The following FMNL1 variants were observed in gnomAD, a reference collection of about 807,000 sequenced individuals.
FMNL1 encodes the protein formin like 1.
FMNL1 carries 43 observed loss-of-function variants against 121.3 expected under a neutral mutation model. That is an observed-to-expected ratio of 0.35 (90% CI 0.28 to 0.46). FMNL1 has a LOEUF of 0.46. Ranked by LOEUF, FMNL1 falls within the 20% of genes least tolerant of loss-of-function variation. FMNL1 has a pLI of 1.00. For synonymous variants in FMNL1, 613 were observed against 613.5 expected (o/e 1.00, Z 0.01); for missense variants, 1,191 against 1,482.4 (o/e 0.80, Z 3.23).
intron 6 of FMNL1, 85 bp downstream of exon 6, chr17:45,234,285 T>G: frequency 6.2e-7 from 1 of 1,605,960 alleles, no homozygotes. Context: ...CCCCGGGCCC[T>G]TGGGGTTGGC....
rs1555628703 is a variant in FMNL1, at chr17:45,231,246, CGG to C, written c.213+560_213+561del. On this transcript the variant is annotated intron_variant, in intron 2 of 26. Transcript: ENST00000331495. This position sits in a 1 kb window ranked among gnomAD's most constrained non-coding sequence, Gnocchi z 4.7. The stretch of plus-strand genomic sequence containing the variant: ...CCCCTCCAGCTTCAAGGGCTGCGGT[CGG>C]CCATGGGCCGACCCTCTCCCAGCGC... 2.6e-5 allele frequency among the ~76,000 whole-genome samples: 4 copies of C among 151,422 alleles called. No homozygotes were observed. The highest frequency in any genetic ancestry group is 5.9e-5 in the Non-Finnish European group (4 of 68,014).
chr17:45,232,979 A>G, intron 3 of FMNL1: 1 of 623,080 alleles, frequency 1.6e-6, no homozygotes, highest in Non-Finnish European at 3.0e-6. Context: ...GTGCATGTGT[A>G]TACCTTGTGT....
At chr17:45,236,769 T>C (rs1395612659) in intron 7 of FMNL1, among the ~76,000 whole-genome samples, 1 of 152,064 alleles carries the variant, frequency 6.6e-6, no homozygotes, top group South Asian at 2.1e-4. Context: ...GAGATCAGCC[T>C]GGGCAACATA....
chr17:45,227,182 G>A (rs976086287), intron 1 of FMNL1, among the ~76,000 whole-genome samples: 7 of 152,128 alleles, frequency 4.6e-5, no homozygotes, highest in African/African-American at 1.7e-4. Flanking sequence ...GTACCCTGGG[G>A]CTTGAAGGGC....
rs749054379 is a variant in FMNL1, at chr17:45,233,688, G to T, written c.442G>T (p.Asp148Tyr). ...CCTCAATGAAGAGAACCGTGGCCTG[G>T]ATGTGCTGCTCGAGTACCTGGCCTT... The part of the protein sequence containing the change: ...EFLNEENRGL[D>Y]VLLEYLAFAQ... The change falls in exon 5 of 27, where the codon GAT (aspartate) becomes TAT (tyrosine). Residue 148 changes from aspartate (D) to tyrosine (Y), a missense_variant. Physicochemically the swap from Asp to Tyr is radical, Grantham distance 160. This residue lies in a region of FMNL1 where 253 missense variants were observed against 417.5 expected (regional missense o/e 0.61). Transcript: ENST00000331495. This position sits in a 1 kb window ranked among gnomAD's most constrained non-coding sequence, Gnocchi z 4.1. 2 of 1,614,072 alleles carry T rather than the reference G, an allele frequency of 1.2e-6. No individual in the cohort carries two copies. The highest frequency in any genetic ancestry group is 1.7e-5 in the Admixed American group (1 of 60,012).
chr17:45,236,261 G>C lies in FMNL1; in HGVS notation c.723+17G>C. ...AACTACCAGGTCAGCCGAGGGGCAT[G>C]GGACTGGCGACTAGGGAGCCCAGCC... On this transcript the variant is annotated intron_variant, in intron 7 of 26. Coordinates refer to ENST00000331495, the MANE Select transcript of FMNL1 (RefSeq NM_005892.4). 6 of 1,608,088 alleles carry C rather than the reference G, an allele frequency of 3.7e-6. No homozygotes were observed. Among genetic ancestry groups the C allele is most frequent in the Non-Finnish European group, 5.1e-6 (6 of 1,175,702 alleles).
Position 45,236,773 on chromosome 17 carries a change from C to G in FMNL1, c.724-508C>G, listed in dbSNP as rs924326550. Among the ~76,000 whole-genome samples, 7 of 152,132 alleles carry G rather than the reference C, an allele frequency of 4.6e-5. No individual in the cohort carries two copies. In the South Asian group the frequency reaches 1.5e-3, roughly 32 times the overall value. ...ACCCAGAATTTGAGATCAGCCTGGG[C>G]AACATACTGAAACCCCATCTCTATG... On this transcript the variant is annotated intron_variant, in intron 7 of 26. Coordinates refer to ENST00000331495, the MANE Select transcript of FMNL1 (RefSeq NM_005892.4).
intron 11 of FMNL1, chr17:45,239,376 C>T: frequency 3.2e-6 from 1 of 308,964 alleles, no homozygotes; most frequent in Non-Finnish European, 6.1e-6. Flanking sequence ...CAGAGTCTGG[C>T]TCTGGGAGCA....
chr17:45,242,083 C>A lies in FMNL1; in HGVS notation c.1822C>A (p.Pro608Thr). 6.6e-7 allele frequency: 1 copy of A among 1,524,342 alleles called. No homozygotes were observed. Among genetic ancestry groups the A allele is most frequent in the South Asian group, 1.2e-5 (1 of 83,156 alleles). 94.4% of individuals were successfully genotyped at this position (1,524,342 alleles called of 1,614,324 possible). ...DGPVPPPPPP[P>T]PPPPGGPPDA... ...GCCGGTGCCTCCGCCGCCGCCGCCG[C>A]CGCCGCCGCCTCCCGGAGGTCCTCC... Residue 608 changes from proline to threonine, a missense_variant, in exon 15 of 27, where the codon CCG becomes ACG. Pro to Thr is a conservative substitution (Grantham distance 38). This residue lies in a region of FMNL1 where 519 missense variants were observed against 492.8 expected (regional missense o/e 1.05). Transcript: ENST00000331495.
At position 45,231,030 on chromosome 17, in the gene FMNL1, C is replaced by T. The variant is rs1275614326; in HGVS notation, c.213+343C>T. Among the ~76,000 whole-genome samples the T allele has an allele frequency of 1.3e-5, 2 of 152,070 alleles. No individual in the cohort carries two copies. The highest frequency in any genetic ancestry group is 2.4e-5 in the African/African-American group (1 of 41,412). On this transcript the variant is annotated intron_variant, in intron 2 of 26. Coordinates refer to ENST00000331495, the MANE Select transcript of FMNL1 (RefSeq NM_005892.4). This position sits in a 1 kb window ranked among gnomAD's most constrained non-coding sequence, Gnocchi z 4.7. ...TCTCTGGACTGGGGAAGGGAGAGGG[C>T]GACCCTGGGGTTGGACATCTTCACC...
Position 45,245,958 on chromosome 17 carries a change from G to T in FMNL1, c.3075G>T (p.Glu1025Asp). 1.3e-6 allele frequency: 2 copies of T among 1,571,864 alleles called. No individual in the cohort carries two copies. Among genetic ancestry groups the T allele is most frequent in the Non-Finnish European group, 1.7e-6 (2 of 1,164,176 alleles). Residue 1025 changes from glutamate to aspartate, a missense_variant, in exon 24 of 27, where the codon GAG becomes GAT. Glu to Asp is a conservative substitution (Grantham distance 45). This residue lies in a region of FMNL1 where 367 missense variants were observed against 528.6 expected (regional missense o/e 0.69). Transcript: ENST00000331495. ...GCGCTGATACCCCGGGCAAAGGGGA[G>T]CCCCCAGCACCCAAGGTAGGCAACT... ...EAGADTPGKG[E>D]PPAPKSPPKA...
intron 23 of FMNL1, 31 bp from the exon 24 acceptor site, chr17:45,245,847 C>T: frequency 1.3e-6 from 2 of 1,598,572 alleles, no homozygotes; most frequent in African/African-American, 2.7e-5. Context: ...GTAGGGAGGG[C>T]CACCCTCATG....
intron 7 of FMNL1, among the ~76,000 whole-genome samples, chr17:45,236,849 T>C (rs906639310): frequency 7.2e-5 from 11 of 152,192 alleles, no homozygotes; most frequent in African/African-American, 2.4e-4. Context: ...TGGTGGCTCA[T>C]ATCTGTAATC....
At chr17:45,244,634 A>G (rs1279985022) in intron 19 of FMNL1, among the ~76,000 whole-genome samples, 185 bp from the exon 20 acceptor site, 1 of 152,216 alleles carries the variant, frequency 6.6e-6, no homozygotes, top group African/African-American at 2.4e-5. Context: ...AACCGTGCAC[A>G]TGTGTGAGAC....
intron 1 of FMNL1, 69 bp downstream of exon 1, chr17:45,222,322 G>A (rs1314407863): frequency 1.8e-6 from 2 of 1,105,412 alleles, no homozygotes; most frequent in African/African-American, 3.3e-5. Context: ...GGCTGGGCGC[G>A]CGTCCCCGCC....
chr17:45,240,337 A>T, intron 11 of FMNL1, 139 bp from the exon 12 acceptor site: 1 of 819,680 alleles, frequency 1.2e-6, no homozygotes. Context: ...TGTGAATTAT[A>T]TATTAAAAAA....
rs1278408574 is a variant in FMNL1 at position 45,233,732 on chromosome 17, G to A, written c.485+1G>A. The A allele has an allele frequency of 1.9e-6, 3 of 1,613,714 alleles. No individual in the cohort carries two copies. Among genetic ancestry groups the A allele is most frequent in the African/African-American group, 1.3e-5 (1 of 74,872 alleles). ...TGGCCTTTGCCCAGTGCTCTGTCAC[G>A]TAAGCCCCCTGCTCCCAGCCCTCAT... On this transcript the variant is annotated splice_donor_variant, in intron 5 of 26. Coordinates refer to ENST00000331495, the MANE Select transcript of FMNL1 (RefSeq NM_005892.4). LOFTEE classifies it high-confidence loss of function. The surrounding 1 kb of genome is among the most constrained non-coding windows in gnomAD (Gnocchi z 4.1).
Position 45,243,274 on chromosome 17 carries a change from C to A in FMNL1, c.2167C>A (p.Arg723=). ...GGCCAAGAACTTGGCCATCACCCTG[C>A]GGAAGGGCAACCTGGGGGCCGAGCG... ...NRAKNLAITL[R]KGNLGAERIC... The change falls in exon 17 of 27, where the codon CGG becomes AGG. Residue 723 remains arginine (R), a synonymous_variant. Coordinates refer to ENST00000331495, the MANE Select transcript of FMNL1 (RefSeq NM_005892.4). 6.2e-7 allele frequency: 1 copy of A among 1,613,896 alleles called. No individual in the cohort carries two copies. Among genetic ancestry groups the A allele is most frequent in the Non-Finnish European group, 8.5e-7 (1 of 1,179,934 alleles).
chr17:45,235,722 G>A (rs2043535239), intron 6 of FMNL1, among the ~76,000 whole-genome samples: 2 of 152,216 alleles, frequency 1.3e-5, no homozygotes, highest in African/African-American at 2.4e-5. Context: ...AGCGAGGAAA[G>A]TGAGGGATAG....
Sources: gnomAD v4.1 joint callset for allele counts (sites outside exome capture counted in the v4.1 genomes callset) on GRCh38, gnomAD v4.1.1 for gene constraint, gnomAD v4.1.1 regional missense constraint, Gnocchi (gnomAD v3.1) non-coding constraint, MANE v1.5 for transcripts, NCBI Gene and HGNC (gene_info 2026-07-23, HGNC 2026-07-21) for gene names.